CRISP2: variants seen among roughly 807,000 people sequenced by gnomAD.
CRISP2 encodes cysteine rich secretory protein 2.
Under a neutral mutation model 31.7 loss-of-function variants are expected in CRISP2, and 29 were observed. The ratio of observed to expected loss-of-function variants is 0.92; its 90% CI spans 0.68 to 1.25. CRISP2 has a LOEUF of 1.25. Ranked by LOEUF, CRISP2 falls within the 50% of genes most tolerant of loss-of-function variation. The probability of loss-of-function intolerance (pLI) is 0.00; values close to 1 mark genes in which losing one functional copy is unlikely to be tolerated. For synonymous variants in CRISP2, 111 were observed against 101.4 expected (o/e 1.09, Z -0.57); for missense variants, 318 against 286.5 (o/e 1.11, Z -0.79).
At chr6:49,677,369 G>A in the CRISP2 span, among the ~76,000 whole-genome samples, 2 of 152,208 alleles carry the variant, frequency 1.3e-5, no homozygotes, top group African/African-American at 4.8e-5. Flanking sequence ...GTGAGAACAT[G>A]GCATTCAACT....
At chr6:49,687,689 TAC>T (rs533965622), downstream of CRISP2, among the ~76,000 whole-genome samples, 160 of 152,182 alleles carry the variant, frequency 1.1e-3, no homozygotes, top group Non-Finnish European at 1.9e-3. Context: ...TGTGAAGAGA[TAC>T]AGTAGGTTCA....
At chr6:49,682,902 T>A in the CRISP2 span, among the ~76,000 whole-genome samples, 1 of 151,394 alleles carries the variant, frequency 6.6e-6, no homozygotes, top group Non-Finnish European at 1.5e-5. Context: ...CTCACACCTG[T>A]AATCTCAGCA....
upstream of CRISP2, chr6:49,713,672 C>T (rs763886892): frequency 6.6e-6 from 1 of 152,278 alleles, no homozygotes; most frequent in Non-Finnish European, 1.5e-5. Flanking sequence ...CCCGCCTCCC[C>T]TACTACGGAG....
the CRISP2 span, among the ~76,000 whole-genome samples, chr6:49,682,827 C>G: frequency 6.7e-6 from 1 of 149,640 alleles, no homozygotes; most frequent in African/African-American, 2.5e-5. Flanking sequence ...TCCTTCCCTC[C>G]ATCCCTTCCT....
At chr6:49,702,030 G>A (rs1449484781) in intron 4 of CRISP2, among the ~76,000 whole-genome samples, 1 of 100,116 alleles carries the variant, frequency 1.0e-5, no homozygotes, top group Non-Finnish European at 1.9e-5. Context: ...CATTATATAT[G>A]TATACATATA....
intron 9 of CRISP2, among the ~76,000 whole-genome samples, chr6:49,693,268 A>G (rs564094896): frequency 2.0e-5 from 3 of 152,302 alleles, no homozygotes; most frequent in South Asian, 4.1e-4. Flanking sequence ...ACAGCCAAAT[A>G]TGGGAGCCAT....
chr6:49,703,587 A>T (rs1028334375), intron 4 of CRISP2, among the ~76,000 whole-genome samples: 5 of 152,084 alleles, frequency 3.3e-5, no homozygotes, highest in African/African-American at 1.2e-4. Flanking sequence ...GCTGTTGTAA[A>T]AGGTACTGAG....
At chr6:49,681,325 G>C in the CRISP2 span, among the ~76,000 whole-genome samples, 1 of 151,804 alleles carries the variant, frequency 6.6e-6, no homozygotes, top group African/African-American at 2.4e-5. Flanking sequence ...CTTAATTCTG[G>C]GTTCTCTATT....
chr6:49,710,700 T>C (rs1449101138), intron 3 of CRISP2, among the ~76,000 whole-genome samples: 1 of 152,218 alleles, frequency 6.6e-6, no homozygotes, highest in African/African-American at 2.4e-5. Flanking sequence ...ATTTTTAGAA[T>C]AAAATGTAAA....
chr6:49,682,643 CTT>C, the CRISP2 span, among the ~76,000 whole-genome samples: 201 of 57,122 alleles, frequency 3.5e-3, 1 homozygote, highest in African/African-American at 0.015. Context: ...TTCTTTCTTT[CTT>C]CTTTCTTTCT....
At chr6:49,685,235 C>G in the CRISP2 span, among the ~76,000 whole-genome samples, 1 of 152,200 alleles carries the variant, frequency 6.6e-6, no homozygotes, top group South Asian at 2.1e-4. Context: ...ACACTGTGTT[C>G]CTTTAGAAAG....
At chr6:49,683,694 A>AAAAAAAATAT in the CRISP2 span, among the ~76,000 whole-genome samples, 2 of 6,180 alleles carry the variant, frequency 3.2e-4, no homozygotes, top group Non-Finnish European at 7.6e-4. Context: ...AAAAAAAAAA[A>AAAAAAAATAT]ATATATATAT....
chr6:49,711,018 G>T (rs1165995281), intron 3 of CRISP2, among the ~76,000 whole-genome samples: 1 of 152,066 alleles, frequency 6.6e-6, no homozygotes, highest in African/African-American at 2.4e-5. Flanking sequence ...GGTGGCAAGT[G>T]CCTGTAGTCC....
the CRISP2 span, among the ~76,000 whole-genome samples, chr6:49,681,833 A>AT: frequency 4.6e-5 from 7 of 150,796 alleles, no homozygotes; most frequent in East Asian, 5.8e-4. Context: ...CAGCTTCAAG[A>AT]TTTTTTTTTG....
intron 6 of CRISP2, among the ~76,000 whole-genome samples, chr6:49,699,019 G>C (rs1379194784): frequency 6.6e-6 from 1 of 152,026 alleles, no homozygotes; most frequent in South Asian, 2.1e-4. Context: ...CAAAATTTAT[G>C]GGTTTTCTCT....
chr6:49,705,787 T>C (rs521286), intron 4 of CRISP2, among the ~76,000 whole-genome samples: 138,826 of 152,200 alleles, frequency 0.91, 63,421 homozygotes, highest in East Asian at 0.97. Flanking sequence ...AGGTTAAATC[T>C]TTCTCCCATG....
chr6:49,696,251 C>A (rs1764725312), intron 8 of CRISP2, among the ~76,000 whole-genome samples: 1 of 152,044 alleles, frequency 6.6e-6, no homozygotes, highest in South Asian at 2.1e-4. Flanking sequence ...CAGTGTACCC[C>A]AAGGTGCCAA....
rs1204488545 is a variant in CRISP2 at position 49,692,829 on chromosome 6, C to T, written c.676G>A (p.Glu226Lys). 4 of 1,613,794 alleles carry T rather than the reference C, an allele frequency of 2.5e-6. No homozygotes were observed. Among genetic ancestry groups the T allele is most frequent in the Non-Finnish European group, 2.5e-6 (3 of 1,179,750 alleles). The stretch of plus-strand genomic sequence containing the variant: ...GCCTTGCACTTTTCCTTGAGTAACT[C>T]ATGTTCACAGCCAGCTGTATTCTTC... ...SLKNTAGCEH[E>K]LLKEKCKATC... The change falls in exon 10 of 10, where the codon GAG becomes AAG. Residue 226 changes from glutamate to lysine, a missense_variant. By Grantham distance (56) the Glu-to-Lys change is moderately conservative. Transcript: ENST00000339139.
intron 8 of CRISP2, 55 bp from the exon 9 acceptor site, chr6:49,695,979 G>C: frequency 8.9e-7 from 1 of 1,118,274 alleles, no homozygotes; most frequent in South Asian, 1.4e-5. Context: ...ATACTCTAAG[G>C]GCAGTATCAG....
Sources: allele counts gnomAD v4.1 joint callset (sites outside exome capture counted in the v4.1 genomes callset), GRCh38; gene constraint gnomAD v4.1.1; transcripts MANE v1.5; gene names NCBI Gene and HGNC (gene_info 2026-07-23, HGNC 2026-07-21).